Variants in MRE11 observed in about 807,000 individuals in gnomAD.
MRE11 encodes the protein MRE11 double strand break repair nuclease, also known as double-strand break repair protein MRE11.
MRE11 carries 62 observed loss-of-function variants against 91.7 expected under a neutral mutation model. The observed-to-expected ratio is 0.68, with a 90% CI of 0.55 to 0.84. The LOEUF is 0.84. Ranked by LOEUF, MRE11 falls within the 40% of genes least tolerant of loss-of-function variation. MRE11 has a pLI of 0.00. For missense variants in MRE11, 796 were observed against 852.9 expected, an observed-to-expected ratio of 0.93 and a Z score of 0.83; for synonymous variants, 273 against 271.4, an observed-to-expected ratio of 1.01 and a Z score of -0.06.
At chr11:94,466,049 G>A (rs1271662979) in intron 10 of MRE11, among the ~76,000 whole-genome samples, 1 of 152,114 alleles carries the variant, frequency 6.6e-6, no homozygotes, top group East Asian at 1.9e-4. Context: ...TGAAGACAGA[G>A]GCTTTAGGTG....
At chr11:94,457,016 G>C (rs1946267918) in intron 13 of MRE11, among the ~76,000 whole-genome samples, 1 of 152,086 alleles carries the variant, frequency 6.6e-6, no homozygotes, top group African/African-American at 2.4e-5. Flanking sequence ...TAACAAAACA[G>C]ACAAAAAGCT....
upstream of MRE11, chr11:94,498,568 G>A (rs1947451026): frequency 6.5e-7 from 1 of 1,528,242 alleles, no homozygotes. Context: ...CTAAATACCA[G>A]TGCCTCCTGT....
chr11:94,496,653 CTGGCATTTGAAA>C, upstream of MRE11: 1 of 1,492,128 alleles, frequency 6.7e-7, no homozygotes, highest in East Asian at 2.3e-5. Context: ...GATTTATATC[CTGGCATTTGAAA>C]TGCTTTTTAT....
the MRE11 span, among the ~76,000 whole-genome samples, chr11:94,502,451 C>A: frequency 7.0e-4 from 106 of 152,042 alleles, no homozygotes; most frequent in Non-Finnish European, 1.2e-4. Context: ...ACCAAAATTC[C>A]ATTTTCTTTA....
intron 12 of MRE11, 140 bp downstream of exon 12, chr11:94,460,794 ATG>A: frequency 1.4e-6 from 1 of 719,340 alleles, no homozygotes; most frequent in Non-Finnish European, 2.4e-6. Flanking sequence ...CTGCAAATGA[ATG>A]TAATTAATTG....
rs13447651 is a variant in MRE11, at chr11:94,463,775, C to G, written c.1225+338G>C. ...GGCAGGGAACATCACACACCGGGGCCTGTCATGGGGTTGGGGGAGGGGGGA... is the reference window on the plus strand; with the variant it reads ...GGCAGGGAACATCACACACCGGGGCGTGTCATGGGGTTGGGGGAGGGGGGA... On this transcript the variant is annotated intron_variant, in intron 11 of 19. Coordinates refer to ENST00000323929, the MANE Select transcript of MRE11 (RefSeq NM_005591.4). Among the ~76,000 whole-genome samples the G allele has an allele frequency of 9.5e-3, 1,233 of 129,660 alleles. 17 individuals are homozygous for G. The highest frequency in any genetic ancestry group is 0.035 in the African/African-American group (1,185 of 34,124). The allele number at this position is 129,660 out of a possible 152,430, so 85.1% of individuals were successfully genotyped here.
intron 19 of MRE11, among the ~76,000 whole-genome samples, chr11:94,420,519 A>G (rs1430731938): frequency 6.6e-6 from 1 of 152,176 alleles, no homozygotes; most frequent in Non-Finnish European, 1.5e-5. Context: ...TCTCATTTAC[A>G]TTTTATTACA....
intron 19 of MRE11, among the ~76,000 whole-genome samples, chr11:94,422,543 TA>T (rs35542392): frequency 0.16 from 23,921 of 151,788 alleles, 2,382 homozygotes; most frequent in African/African-American, 0.28. Context: ...TGGTAGAAGC[TA>T]AAAAAAATTC....
In MRE11 at chr11:94,476,414, C is replaced by T. The variant is rs769482023; in HGVS notation, c.545-11G>A. 6.6e-7 allele frequency: 1 copy of T among 1,523,112 alleles called. No individual in the cohort carries two copies. Among genetic ancestry groups the T allele is most frequent in the Non-Finnish European group, 9.1e-7 (1 of 1,098,764 alleles). The allele number at this position is 1,523,112 out of a possible 1,614,324, so 94.3% of individuals were successfully genotyped here. On this transcript the variant is annotated splice_polypyrimidine_tract_variant and intron_variant, in intron 6 of 19. Transcript: ENST00000323929. ...CATCTGGAATGGATCCTGAAATGGA[C>T]ATTACATTATTTTTAAATTGTTTTC...
At position 94,440,450 on chromosome 11, in the gene MRE11, C is replaced by A. The variant is rs1010465356; in HGVS notation, c.1868-3215G>T. On this transcript the variant is annotated intron_variant, in intron 16 of 19. Transcript: ENST00000323929. ...ACATTTAAAAAAAAAAAAAAATTCT[C>A]AATGGCATTGAAGAGCTGATCACAT... is the stretch of plus-strand genomic sequence containing the variant. Among the ~76,000 whole-genome samples the A allele has an allele frequency of 1.3e-4, 19 of 151,200 alleles. 3 individuals are homozygous for A. The highest frequency in any genetic ancestry group is 1.3e-3 in the Admixed American group (19 of 15,154).
intron 19 of MRE11, among the ~76,000 whole-genome samples, chr11:94,421,033 C>CA (rs1032406330): frequency 1.5e-3 from 190 of 122,602 alleles, no homozygotes; most frequent in African/African-American, 3.5e-3. Context: ...GACTCCATCT[C>CA]AAAAAAAAAA....
At chr11:94,511,529 T>C in the MRE11 span, among the ~76,000 whole-genome samples, 1 of 152,208 alleles carries the variant, frequency 6.6e-6, no homozygotes, top group African/African-American at 2.4e-5. Flanking sequence ...GCAATAAGTA[T>C]ATGTGACACA....
intron 4 of MRE11, among the ~76,000 whole-genome samples, chr11:94,481,184 C>T (rs1404303503): frequency 1.3e-5 from 2 of 151,998 alleles, no homozygotes; most frequent in Admixed American, 1.3e-4. Flanking sequence ...TGGCACATGC[C>T]TGTAGTCCCA....
chr11:94,480,846 A>G (rs1295261983), intron 4 of MRE11, among the ~76,000 whole-genome samples: 1 of 152,148 alleles, frequency 6.6e-6, no homozygotes, highest in Non-Finnish European at 1.5e-5. Context: ...ATACTTGGAG[A>G]GACTCTAAGT....
rs1208686114 is a variant in MRE11, at chr11:94,456,326, T to C, written c.1513A>G (p.Arg505Gly). The C allele has an allele frequency of 1.2e-6, 2 of 1,613,062 alleles. No homozygotes were observed. Among genetic ancestry groups the C allele is most frequent in the South Asian group, 1.1e-5 (1 of 91,056 alleles). Residue 505 changes from arginine to glycine, a missense_variant, in exon 14 of 20, where the codon AGA becomes GGA. By Grantham distance (125) the Arg-to-Gly change is moderately radical. Coordinates refer to ENST00000323929, the MANE Select transcript of MRE11 (RefSeq NM_005591.4). ...DKIDEEVRRF[R>G]ETRQKNTNEE... ...TTAGTATTTTTTTGTCTGGTTTCTCTGAAACGACGTACCTAGATCATAACA... is the reference window on the plus strand; with the variant it reads ...TTAGTATTTTTTTGTCTGGTTTCTCCGAAACGACGTACCTAGATCATAACA...
the MRE11 span, among the ~76,000 whole-genome samples, chr11:94,503,024 G>T: frequency 6.6e-6 from 1 of 151,998 alleles, no homozygotes; most frequent in Admixed American, 6.6e-5. Flanking sequence ...CCATACTTAT[G>T]TGCAAATTTC....
At chr11:94,450,104 ATAAGTT>A (rs999638340) in intron 14 of MRE11, among the ~76,000 whole-genome samples, 1 of 152,242 alleles carries the variant, frequency 6.6e-6, no homozygotes, top group Non-Finnish European at 1.5e-5. Context: ...TAATTCAAGT[ATAAGTT>A]AAAGTGCTAC....
chr11:94,501,877 C>A, the MRE11 span, among the ~76,000 whole-genome samples: 1 of 151,822 alleles, frequency 6.6e-6, no homozygotes, highest in Non-Finnish European at 1.5e-5. Flanking sequence ...TTGTCAATTT[C>A]TTTAATACTT....
At chr11:94,462,431 TA>T (rs1946444701) in intron 11 of MRE11, among the ~76,000 whole-genome samples, 1 of 152,122 alleles carries the variant, frequency 6.6e-6, no homozygotes, top group South Asian at 2.1e-4. Flanking sequence ...AAAACTACTT[TA>T]AAGTTCATAT....
Sources: gnomAD v4.1 joint callset for allele counts (sites outside exome capture counted in the v4.1 genomes callset) on GRCh38, gnomAD v4.1.1 for gene constraint, MANE v1.5 for transcripts, NCBI Gene and HGNC (gene_info 2026-07-23, HGNC 2026-07-21) for gene names.